NXNL2: variants seen among roughly 807,000 people sequenced by gnomAD.
The protein encoded by NXNL2 is nucleoredoxin-like protein 2.
A neutral mutation model predicts 11.1 loss-of-function variants in NXNL2; 7 were observed. The ratio of observed to expected loss-of-function variants is 0.63; its 90% CI spans 0.36 to 1.18. The LOEUF (loss-of-function observed/expected upper bound fraction) is 1.18. Among genes scored for constraint, NXNL2 ranks in the 50% most tolerant of loss-of-function variants. NXNL2 has a pLI of 0.02. For synonymous variants in NXNL2, 109 were observed against 101.8 expected (o/e 1.07, Z -0.42); for missense variants, 233 against 217.7 (o/e 1.07, Z -0.44).
At chr9:88,581,109 A>G (rs1438682252) in intron 1 of NXNL2, among the ~76,000 whole-genome samples, 1 of 152,018 alleles carries the variant, frequency 6.6e-6, no homozygotes, top group Non-Finnish European at 1.5e-5. Flanking sequence ...GGCAGTTGCT[A>G]TTTTTCCCTA....
In NXNL2 at chr9:88,553,357, A is replaced by AAAAAAC. The variant is rs544984077; in HGVS notation, c.302+17623_302+17624insAAACAA. Among the ~76,000 whole-genome samples the AAAAAAC allele has an allele frequency of 6.5e-3, 994 of 152,034 alleles. 10 individuals are homozygous for AAAAAAC. The highest frequency in any genetic ancestry group is 0.023 in the African/African-American group (951 of 41,452). On this transcript the variant is annotated intron_variant, in intron 1 of 2. Coordinates refer to the NXNL2 transcript ENST00000375855. ...GTGAAATTCTGTCTCAAAAAAGCCC[A>AAAAAAC]AACAACAACAACAACAACAACAAAA...
At chr9:88,561,320 C>A (rs1480992283) in intron 1 of NXNL2, among the ~76,000 whole-genome samples, 2 of 152,170 alleles carry the variant, frequency 1.3e-5, no homozygotes, top group African/African-American at 4.8e-5. Context: ...ACTGGCTCTC[C>A]TTGCTTCTCA....
intron 1 of NXNL2, among the ~76,000 whole-genome samples, chr9:88,562,483 T>G (rs1379982101): frequency 2.0e-5 from 3 of 152,156 alleles, no homozygotes; most frequent in South Asian, 2.1e-4. Flanking sequence ...GTAAGGAGAC[T>G]GGGAGCGGTG....
intron 1 of NXNL2, chr9:88,538,343 T>G (rs1829672981): frequency 6.6e-6 from 1 of 152,168 alleles, no homozygotes; most frequent in African/African-American, 2.4e-5. Context: ...ATGTTGCAAG[T>G]GATTAAAACA....
chr9:88,582,906 G>A (rs1038529166), intron 1 of NXNL2, among the ~76,000 whole-genome samples: 9 of 152,158 alleles, frequency 5.9e-5, no homozygotes, highest in Admixed American at 5.9e-4. Context: ...GACCTCAAGG[G>A]ATCCTCCCGC....
chr9:88,535,364 C>T lies in NXNL2; in HGVS notation c.-71C>T. The T allele has an allele frequency of 7.1e-7, 1 of 1,416,708 alleles. No homozygotes were observed. The allele number at this position is 1,416,708 out of a possible 1,614,324, so 87.8% of individuals were successfully genotyped here. A position where few individuals can be genotyped will look rare whatever the true frequency, so the allele number is the denominator to read the frequency against. The stretch of plus-strand genomic sequence containing the variant: ...CAGAGGCGGGGCACCGCGGCGCTCG[C>T]CGCCGCCTCCCCGCAGGTGATCATC... On this transcript the variant is annotated 5_prime_UTR_variant, in exon 1 of 2. Coordinates refer to ENST00000375854, the MANE Select transcript of NXNL2 (RefSeq NM_001161625.2).
At chr9:88,556,985 AC>A (rs1248710905) in intron 1 of NXNL2, among the ~76,000 whole-genome samples, 2 of 150,964 alleles carry the variant, frequency 1.3e-5, no homozygotes, top group African/African-American at 4.9e-5. Flanking sequence ...GGAGGCTGAG[AC>A]AGGAGAATCG....
chr9:88,537,577 T>TGGGATATTCTGTAGGG (rs1829654578), intron 1 of NXNL2, among the ~76,000 whole-genome samples: 1 of 152,098 alleles, frequency 6.6e-6, no homozygotes, highest in African/African-American at 2.4e-5. Context: ...GTAAGCTAGG[T>TGGGATATTCTGTAGGG]AGTGGGATAT....
chr9:88,580,317 C>A (rs1427866782), downstream of NXNL2, among the ~76,000 whole-genome samples: 1 of 151,976 alleles, frequency 6.6e-6, no homozygotes. Context: ...CCAGGCCTGG[C>A]TAATTTTTTG....
At chr9:88,572,572 C>T (rs1327299236) in intron 2 of NXNL2, among the ~76,000 whole-genome samples, 1 of 152,196 alleles carries the variant, frequency 6.6e-6, no homozygotes, top group East Asian at 1.9e-4. Flanking sequence ...AGGCGACATG[C>T]TCAGCAGCAG....
At chr9:88,577,131 G>A (rs1432951549), downstream of NXNL2, among the ~76,000 whole-genome samples, 1 of 152,184 alleles carries the variant, frequency 6.6e-6, no homozygotes, top group African/African-American at 2.4e-5. Flanking sequence ...AGCACACACA[G>A]CTGCCGTCCA....
intron 1 of NXNL2, among the ~76,000 whole-genome samples, chr9:88,539,496 C>T (rs1354981103): frequency 6.6e-6 from 1 of 152,206 alleles, no homozygotes; most frequent in Non-Finnish European, 1.5e-5. Context: ...CCCAGCCGGA[C>T]CGTCTACTTT....
At chr9:88,580,924 G>A (rs902197154) in intron 1 of NXNL2, among the ~76,000 whole-genome samples, 8 of 152,056 alleles carry the variant, frequency 5.3e-5, no homozygotes, top group Admixed American at 2.6e-4. Flanking sequence ...TTTGTGGCAC[G>A]TTCCTCCTGA....
At chr9:88,542,030 A>T (rs985047339) in intron 1 of NXNL2, among the ~76,000 whole-genome samples, 5 of 152,002 alleles carry the variant, frequency 3.3e-5, no homozygotes, top group Non-Finnish European at 7.4e-5. Context: ...GGAGATCGAG[A>T]CCATCCTGGC....
intron 1 of NXNL2, among the ~76,000 whole-genome samples, chr9:88,569,803 T>TTA (rs1295726542): frequency 2.6e-4 from 39 of 152,320 alleles, no homozygotes; most frequent in Non-Finnish European, 4.9e-4. Context: ...TGGGATAAAT[T>TTA]CTATTTGGCC....
chr9:88,577,998 A>G (rs1325434567), downstream of NXNL2, among the ~76,000 whole-genome samples: 6 of 152,240 alleles, frequency 3.9e-5, no homozygotes, highest in Non-Finnish European at 8.8e-5. Flanking sequence ...CTCTGTGTCC[A>G]GTGTCTTCAC....
Position 88,571,085 on chromosome 9 carries a change from A to G in NXNL2, c.303-2A>G. 1 of 401,198 alleles carries G rather than the reference A, an allele frequency of 2.5e-6. No homozygotes were observed. 24.9% of individuals were successfully genotyped at this position (401,198 alleles called of 1,614,324 possible). A position where few individuals can be genotyped will look rare whatever the true frequency, so the allele number is the denominator to read the frequency against. ...TGCTTTCTTTTCTTTTTTTTTTTTC[A>G]GACGGAGTCTCGCTCTGTTGCCCAG... On this transcript the variant is annotated splice_acceptor_variant, in intron 1 of 2. Transcript: ENST00000375855. LOFTEE classifies it high-confidence loss of function.
Position 88,544,698 on chromosome 9 carries a change from T to TCGA in NXNL2, c.*151_*152insCGA. Reference sequence around the variant, plus strand: ...CTAAGCTGTGGTCAAAAAGCAACTATTGCTCAGGAAATAATACACTCCATA... The same window carrying TCGA: ...CTAAGCTGTGGTCAAAAAGCAACTATCGATGCTCAGGAAATAATACACTCCATA... On this transcript the variant is annotated 3_prime_UTR_variant, in exon 2 of 2. Transcript: ENST00000375854. 2.8e-6 allele frequency: 4 copies of TCGA among 1,412,338 alleles called. No individual in the cohort carries two copies. The highest frequency in any genetic ancestry group is 3.7e-6 in the Non-Finnish European group (4 of 1,085,372). 87.5% of individuals were successfully genotyped at this position (1,412,338 alleles called of 1,614,324 possible). A position where few individuals can be genotyped will look rare whatever the true frequency, so the allele number is the denominator to read the frequency against.
At position 88,575,139 on chromosome 9, in the gene NXNL2, C is replaced by T. The variant is rs909272493; in HGVS notation, c.*69C>T. On this transcript the variant is annotated 3_prime_UTR_variant, in exon 3 of 3. Transcript: ENST00000375855. ...GATATTGAAGAGGAGTTGGACACTCCGAGAGTGCAGCTGTTCTCCCCCCGC... is the reference window on the plus strand; with the variant it reads ...GATATTGAAGAGGAGTTGGACACTCTGAGAGTGCAGCTGTTCTCCCCCCGC... 115 of 985,268 alleles carry T rather than the reference C, an allele frequency of 1.2e-4. No homozygotes were observed. In the African/African-American group the frequency reaches 1.2e-3, roughly 10 times the overall value. The allele number at this position is 985,268 out of a possible 1,614,324, so 61.0% of individuals were successfully genotyped here.
Sources: allele counts gnomAD v4.1 joint callset (sites outside exome capture counted in the v4.1 genomes callset), GRCh38; gene constraint gnomAD v4.1.1; transcripts MANE v1.5; gene names NCBI Gene and HGNC (gene_info 2026-07-23, HGNC 2026-07-21).